Variants in ZNF277 observed in about 807,000 individuals in gnomAD.
The protein encoded by ZNF277 is nuclear receptor-interacting factor 4.
ZNF277 carries 55 observed loss-of-function variants against 60.7 expected under a neutral mutation model. That is an observed-to-expected ratio of 0.91 (90% CI 0.73 to 1.13). ZNF277 has a LOEUF of 1.13. ZNF277 is among the 50% of genes most tolerant of loss of function. The probability of loss-of-function intolerance (pLI) is 0.00; values close to 1 mark genes in which losing one functional copy is unlikely to be tolerated. For missense variants in ZNF277, 510 were observed against 523.0 expected, an observed-to-expected ratio of 0.98 and a Z score of 0.24; for synonymous variants, 178 against 179.3, an observed-to-expected ratio of 0.99 and a Z score of 0.06.
intron 1 of ZNF277, among the ~76,000 whole-genome samples, chr7:112,284,769 G>C (rs1179501546): frequency 6.6e-6 from 1 of 152,116 alleles, no homozygotes; most frequent in Admixed American, 6.6e-5. Flanking sequence ...GAGTATGTTT[G>C]GGTGATGTAT....
intron 4 of ZNF277, among the ~76,000 whole-genome samples, chr7:112,315,846 T>C (rs897323627): frequency 6.6e-6 from 1 of 151,770 alleles, no homozygotes; most frequent in Non-Finnish European, 1.5e-5. Context: ...GGCTCATTTG[T>C]ATTGAATTCA....
chr7:112,243,864 A>G (rs923344987), intron 1 of ZNF277, among the ~76,000 whole-genome samples: 2 of 152,100 alleles, frequency 1.3e-5, no homozygotes, highest in African/African-American at 4.8e-5. Context: ...GTTTATCGCA[A>G]TGCTATTTAT....
At chr7:112,341,972 T>A (rs1348987464) in intron 11 of ZNF277, among the ~76,000 whole-genome samples, 2 of 151,696 alleles carry the variant, frequency 1.3e-5, no homozygotes, top group Non-Finnish European at 2.9e-5. Context: ...GGAACCAGAA[T>A]AACAAACTTT....
intron 1 of ZNF277, among the ~76,000 whole-genome samples, chr7:112,237,258 G>A (rs1437394183): frequency 1.3e-5 from 2 of 152,088 alleles, no homozygotes; most frequent in Non-Finnish European, 1.5e-5. Flanking sequence ...AGCATTAAAT[G>A]CCTACATCAA....
At chr7:112,266,824 T>C (rs1007932980) in intron 1 of ZNF277, among the ~76,000 whole-genome samples, 3 of 152,190 alleles carry the variant, frequency 2.0e-5, no homozygotes, top group Non-Finnish European at 4.4e-5. Context: ...TAGTTCTGGG[T>C]CTTCTCTTAG....
At chr7:112,285,820 AGG>A (rs1792052179) in intron 1 of ZNF277, among the ~76,000 whole-genome samples, 1 of 152,214 alleles carries the variant, frequency 6.6e-6, no homozygotes, top group African/African-American at 2.4e-5. Context: ...AGATAAAGTA[AGG>A]GAAAAAAATA....
intron 1 of ZNF277, among the ~76,000 whole-genome samples, chr7:112,236,470 T>C (rs1046948516): frequency 1.3e-5 from 2 of 152,064 alleles, no homozygotes; most frequent in Non-Finnish European, 2.9e-5. Flanking sequence ...GTCCCTAATA[T>C]AGCTTCTAAA....
intron 1 of ZNF277, among the ~76,000 whole-genome samples, chr7:112,228,981 G>A (rs1822251134): frequency 6.6e-6 from 1 of 152,154 alleles, no homozygotes; most frequent in Non-Finnish European, 1.5e-5. Flanking sequence ...ATTTTACAAA[G>A]TTTAAAGCAT....
chr7:112,217,471 T>C (rs1243037259), intron 1 of ZNF277, among the ~76,000 whole-genome samples: 1 of 152,250 alleles, frequency 6.6e-6, no homozygotes, highest in African/African-American at 2.4e-5. Flanking sequence ...TTATGCAGAC[T>C]GAAACTGCCT....
At position 112,296,305 on chromosome 7, in the gene ZNF277, G is replaced by C; in HGVS notation, c.459G>C (p.Gln153His). ...DRILREELQK[Q>H]RLREILEQQQ... ...TTCTTAGAGAAGAGCTTCAGAAACA[G>C]AGACTGGTAAGAATTGTTTTTAAAG... The change falls in exon 4 of 12, where the codon CAG becomes CAC. Residue 153 changes from glutamine (Q) to histidine (H), a missense_variant. By Grantham distance (24) the Gln-to-His change is conservative. Coordinates refer to ENST00000361822, the MANE Select transcript of ZNF277 (RefSeq NM_021994.3). The C allele has an allele frequency of 6.4e-7, 1 of 1,565,552 alleles. No individual in the cohort carries two copies.
intron 1 of ZNF277, among the ~76,000 whole-genome samples, chr7:112,266,889 CATAA>C (rs1791563442): frequency 6.6e-6 from 1 of 152,028 alleles, no homozygotes; most frequent in Non-Finnish European, 1.5e-5. Flanking sequence ...TCCTGAAGTT[CATAA>C]ATAAAACCTG....
At chr7:112,339,390 C>T (rs1793397888) in intron 9 of ZNF277, among the ~76,000 whole-genome samples, 1 of 152,210 alleles carries the variant, frequency 6.6e-6, no homozygotes, top group East Asian at 1.9e-4. Context: ...ACGATCTCAG[C>T]TCACTGCAAC....
intron 5 of ZNF277, among the ~76,000 whole-genome samples, chr7:112,320,436 C>T (rs1331148191): frequency 6.6e-6 from 1 of 152,096 alleles, no homozygotes; most frequent in African/African-American, 2.4e-5. Context: ...ATTAAAGACA[C>T]AACTTGATTC....
chr7:112,286,791 G>A, intron 1 of ZNF277, 82 bp from the exon 2 acceptor site: 3 of 1,151,498 alleles, frequency 2.6e-6, no homozygotes, highest in East Asian at 2.6e-5. Flanking sequence ...TTTAATGCAG[G>A]AGGTGGGAAA....
intron 5 of ZNF277, 90 bp from the exon 6 acceptor site, chr7:112,327,627 T>A: frequency 1.1e-6 from 1 of 876,820 alleles, no homozygotes; most frequent in Non-Finnish European, 1.8e-6. Flanking sequence ...ATACCTCTAA[T>A]TAGTGTTTTT....
chr7:112,310,485 G>GAGAGAGA (rs768628542), intron 4 of ZNF277, among the ~76,000 whole-genome samples: 1 of 147,216 alleles, frequency 6.8e-6, no homozygotes, highest in African/African-American at 2.7e-5. Flanking sequence ...GAGAGTGTGT[G>GAGAGAGA]TGTGTGTATG....
At chr7:112,295,767 T>C in intron 2 of ZNF277, 102 bp from the exon 3 acceptor site, 2 of 875,348 alleles carry the variant, frequency 2.3e-6, no homozygotes, top group Non-Finnish European at 3.6e-6. Context: ...AACATTTGAT[T>C]TGTTGCTTTG....
At chr7:112,313,977 A>G (rs993767311) in intron 4 of ZNF277, among the ~76,000 whole-genome samples, 1 of 152,162 alleles carries the variant, frequency 6.6e-6, no homozygotes, top group Non-Finnish European at 1.5e-5. Context: ...TGCATGTGGC[A>G]TAGAGGAACT....
chr7:112,243,292 C>T (rs1219549397), intron 1 of ZNF277, among the ~76,000 whole-genome samples: 1 of 151,408 alleles, frequency 6.6e-6, no homozygotes, highest in African/African-American at 2.4e-5. Context: ...TGACTAAGAC[C>T]TCAAAAGCAA....
Sources: allele counts gnomAD v4.1 joint callset (sites outside exome capture counted in the v4.1 genomes callset), GRCh38; gene constraint gnomAD v4.1.1; transcripts MANE v1.5; gene names NCBI Gene and HGNC (gene_info 2026-07-23, HGNC 2026-07-21).